Variants in TMCO4 observed in about 807,000 individuals in gnomAD.
TMCO4 encodes transmembrane and coiled-coil domain-containing protein 4.
A neutral mutation model predicts 64.7 loss-of-function variants in TMCO4; 58 were observed. That is an observed-to-expected ratio of 0.90 (90% confidence interval 0.73 to 1.12). TMCO4 has a LOEUF of 1.12. Among genes scored for constraint, TMCO4 ranks in the 50% most tolerant of loss-of-function variants. The probability of loss-of-function intolerance (pLI) is 0.00; values close to 1 mark genes in which losing one functional copy is unlikely to be tolerated. For missense variants in TMCO4, 780 were observed against 825.9 expected (o/e 0.94, Z 0.68); for synonymous variants, 325 against 346.1 (o/e 0.94, Z 0.68).
Position 19,799,899 on chromosome 1 carries a change from G to T in TMCO4, c.-224C>A. ...CAAAGGCGGAGGCGGCAAAACCGGC[G>T]AGCGGCTCCTCCCGCCCGGCCCGGC... On this transcript the variant is annotated 5_prime_UTR_variant, in exon 1 of 16. Transcript: ENST00000294543. The T allele has an allele frequency of 6.6e-6, 1 of 152,006 alleles. No homozygotes were observed. Among genetic ancestry groups the T allele is most frequent in the South Asian group, 1.9e-4 (1 of 5,348 alleles). The allele number at this position is 152,006 out of a possible 1,614,324, so 9.4% of individuals were successfully genotyped here.
intron 7 of TMCO4, among the ~76,000 whole-genome samples, chr1:19,748,000 A>G (rs751939072): frequency 6.6e-6 from 1 of 152,202 alleles, no homozygotes; most frequent in South Asian, 2.1e-4. Flanking sequence ...AAGCATGGTG[A>G]TAATCAAAGA....
At chr1:19,702,212 G>A (rs1045210656) in intron 13 of TMCO4, among the ~76,000 whole-genome samples, 10 of 141,040 alleles carry the variant, frequency 7.1e-5, no homozygotes, top group Admixed American at 1.6e-4. Context: ...CTCGTGATCC[G>A]CCTGCCTCAG....
At chr1:19,683,531 C>G (rs1289378885) in intron 15 of TMCO4, 87 bp from the exon 16 acceptor site, 2 of 1,484,726 alleles carry the variant, frequency 1.3e-6, no homozygotes, top group Non-Finnish European at 1.8e-6. Flanking sequence ...TGGGCCTCAG[C>G]CTTGCCCTGA....
In TMCO4 at chr1:19,746,494, A is replaced by G; in HGVS notation, c.719T>C (p.Met240Thr). 6.2e-7 allele frequency: 1 copy of G among 1,613,096 alleles called. No individual in the cohort carries two copies. Among genetic ancestry groups the G allele is most frequent in the Non-Finnish European group, 8.5e-7 (1 of 1,179,634 alleles). Residue 240 changes from methionine to threonine, a missense_variant, in exon 9 of 16, where the codon ATG (methionine) becomes ACG (threonine). Met to Thr is a moderately conservative substitution (Grantham distance 81). Transcript: ENST00000294543. ...ALGSAAGIAI[M>T]TSLFGAAGAG... ...TCCAGCTGCACCAAACAGCGAGGTC[A>G]TGATGGCTATGCCGGCTGCTGAGCC...
At chr1:19,746,304 C>T in intron 9 of TMCO4, 152 bp downstream of exon 9, 1 of 1,183,644 alleles carries the variant, frequency 8.4e-7, no homozygotes, top group Non-Finnish European at 1.2e-6. Context: ...CCCACGCGAG[C>T]TCTGGGAAGG....
rs565335981 is a variant in TMCO4 at position 19,757,155 on chromosome 1, G to A, written c.383-1389C>T. 1.4e-3 allele frequency among the ~76,000 whole-genome samples: 172 copies of A among 124,354 alleles called. 5 individuals carry two copies. The highest frequency in any genetic ancestry group is 4.0e-3 in the African/African-American group (142 of 35,730). The allele number at this position is 124,354 out of a possible 152,430, so 81.6% of individuals were successfully genotyped here. ...AAAATACAAAAATTAGCCAGGCGTGGTGGCGGGGGGGGGCGCCTGTAATTT... is the reference window on the plus strand; with the variant it reads ...AAAATACAAAAATTAGCCAGGCGTGATGGCGGGGGGGGGCGCCTGTAATTT... On this transcript the variant is annotated intron_variant, in intron 6 of 15. Coordinates refer to ENST00000294543, the MANE Select transcript of TMCO4 (RefSeq NM_181719.7).
chr1:19,772,383 G>A (rs965132258), intron 4 of TMCO4, among the ~76,000 whole-genome samples: 2 of 152,192 alleles, frequency 1.3e-5, no homozygotes, highest in Non-Finnish European at 2.9e-5. Context: ...CACTGCCACC[G>A]CCAGTCTCTG....
At chr1:19,776,407 G>A (rs369560291) in intron 4 of TMCO4, among the ~76,000 whole-genome samples, 82 of 152,284 alleles carry the variant, frequency 5.4e-4, no homozygotes, top group African/African-American at 1.8e-3. Context: ...ACAGTAACTC[G>A]CTGCCTTATG....
intron 6 of TMCO4, among the ~76,000 whole-genome samples, chr1:19,768,279 T>C (rs2042830872): frequency 6.6e-6 from 1 of 152,180 alleles, no homozygotes; most frequent in South Asian, 2.1e-4. Context: ...GCCATTACAC[T>C]GATTCCAATA....
intron 10 of TMCO4, among the ~76,000 whole-genome samples, chr1:19,742,279 T>C (rs187747777): frequency 8.9e-4 from 135 of 152,338 alleles, no homozygotes; most frequent in African/African-American, 2.9e-3. Context: ...CTGTTTGACG[T>C]GTGCCTCTCC....
intron 15 of TMCO4, among the ~76,000 whole-genome samples, chr1:19,688,119 G>A (rs2095164468): frequency 6.6e-6 from 1 of 152,216 alleles, no homozygotes; most frequent in South Asian, 2.1e-4. Context: ...CACGCCGGAT[G>A]TGACTGGCGT....
chr1:19,710,617 A>G (rs1230078272), intron 13 of TMCO4, among the ~76,000 whole-genome samples: 1 of 152,186 alleles, frequency 6.6e-6, no homozygotes, highest in Non-Finnish European at 1.5e-5. Context: ...ATCACACAGT[A>G]AGTAAGTGGC....
intron 14 of TMCO4, among the ~76,000 whole-genome samples, chr1:19,695,199 C>T (rs1307472934): frequency 1.3e-5 from 2 of 152,188 alleles, no homozygotes; most frequent in African/African-American, 2.4e-5. Context: ...GACCCCACTC[C>T]GTGAACCTGG....
intron 13 of TMCO4, among the ~76,000 whole-genome samples, chr1:19,708,087 G>C (rs1201608290): frequency 6.6e-6 from 1 of 152,138 alleles, no homozygotes; most frequent in African/African-American, 2.4e-5. Flanking sequence ...CATATCACTT[G>C]TATAAGGGTA....
At chr1:19,691,533 C>T (rs2095194833) in intron 15 of TMCO4, among the ~76,000 whole-genome samples, 1 of 152,198 alleles carries the variant, frequency 6.6e-6, no homozygotes, top group African/African-American at 2.4e-5. Flanking sequence ...ACATGCAGCC[C>T]AGTGTGAGCC....
At chr1:19,745,392 CCT>C (rs2041724342) in intron 10 of TMCO4, 138 bp downstream of exon 10, 1 of 1,359,836 alleles carries the variant, frequency 7.4e-7, no homozygotes, top group Non-Finnish European at 1.0e-6. Flanking sequence ...AGTTGCCTCA[CCT>C]CTCTGAGCCT....
intron 10 of TMCO4, 120 bp from the exon 11 acceptor site, chr1:19,741,061 C>T: frequency 1.8e-6 from 2 of 1,086,268 alleles, no homozygotes; most frequent in South Asian, 1.7e-5. Flanking sequence ...AGAGGCCCAC[C>T]CCCTGCCAAT....
intron 15 of TMCO4, among the ~76,000 whole-genome samples, chr1:19,692,465 C>A (rs1363174876): frequency 6.6e-6 from 1 of 150,894 alleles, no homozygotes; most frequent in African/African-American, 2.4e-5. Context: ...TGTGGTGGCT[C>A]ATGCCTATAA....
At chr1:19,757,982 C>T (rs772409182) in intron 6 of TMCO4, among the ~76,000 whole-genome samples, 3 of 152,216 alleles carry the variant, frequency 2.0e-5, no homozygotes, top group Non-Finnish European at 4.4e-5. Context: ...TGTGAAGACA[C>T]AAGTTGTCTA....
Sources: gnomAD v4.1 joint callset for allele counts (sites outside exome capture counted in the v4.1 genomes callset) on GRCh38, gnomAD v4.1.1 for gene constraint, MANE v1.5 for transcripts, NCBI Gene and HGNC (gene_info 2026-07-23, HGNC 2026-07-21) for gene names.